The following CIDEB variants were observed in gnomAD, a reference collection of about 807,000 sequenced individuals.
CIDEB encodes the protein lipid transferase CIDEB.
CIDEB carries 27 observed loss-of-function variants against 22.4 expected under a neutral mutation model. The ratio of observed to expected loss-of-function variants is 1.21; its 90% CI spans 0.89 to 1.66. CIDEB has a LOEUF of 1.66. Among genes scored for constraint, CIDEB ranks in the 40% most tolerant of loss-of-function variants. The pLI, the probability that CIDEB is intolerant of heterozygous loss-of-function variation, is 0.00. For missense variants in CIDEB, 289 were observed against 268.7 expected (o/e 1.08, Z -0.53); for synonymous variants, 103 against 109.5 (o/e 0.94, Z 0.37).
upstream of CIDEB, chr14:24,310,736 A>C: frequency 6.2e-7 from 1 of 1,612,196 alleles, no homozygotes; most frequent in Non-Finnish European, 8.5e-7. Flanking sequence ...CCACAGGCAC[A>C]GCCTTCCTGC....
In CIDEB at chr14:24,307,469, AG is replaced by A. The variant is rs868123307; in HGVS notation, c.87del (p.Ser30GlnfsTer22). Reference protein sequence around the residue: ...ISSEFGRRVWTSAPPPQRPFR... With the variant: ...ISSEFGRRVWXSAPPPQRPFR... Reference sequence around the variant, plus strand: ...AAAGGTCGCTGGGGTGGTGGAGCTGAGGTCCAGACCCTCCGTCCAAACTCCG... The same window carrying A: ...AAAGGTCGCTGGGGTGGTGGAGCTGAGTCCAGACCCTCCGTCCAAACTCCG... On this transcript the variant is annotated frameshift_variant, in exon 2 of 5. Coordinates refer to ENST00000554411, the MANE Select transcript of CIDEB (RefSeq NM_001393339.1). LOFTEE classifies it high-confidence loss of function. 5.6e-6 allele frequency: 9 copies of A among 1,613,982 alleles called. No individual in the cohort carries two copies. The highest frequency in any genetic ancestry group is 7.6e-6 in the Non-Finnish European group (9 of 1,179,998).
chr14:24,310,401 G>C (rs944097203), upstream of CIDEB: 29 of 634,928 alleles, frequency 4.6e-5, no homozygotes, highest in African/African-American at 5.1e-4. Context: ...CTTTATGCCT[G>C]TTTACCACTG....
At chr14:24,307,282 A>C in intron 2 of CIDEB, 89 bp downstream of exon 2, 2 of 1,401,060 alleles carry the variant, frequency 1.4e-6, no homozygotes, top group Non-Finnish European at 2.0e-6. Flanking sequence ...GTGTGACTTC[A>C]GCCCTCTGCT....
chr14:24,308,095 T>C (rs2041576346), upstream of CIDEB: 2 of 575,268 alleles, frequency 3.5e-6, no homozygotes, highest in Non-Finnish European at 6.3e-6. Context: ...GCAAAAGCCA[T>C]TGGAGCTTGT....
chr14:24,307,441 C>T lies in CIDEB; in HGVS notation c.116G>A (p.Arg39His), dbSNP rs372963517. The T allele has an allele frequency of 4.0e-5, 65 of 1,613,946 alleles. No individual in the cohort carries two copies. The highest frequency in any genetic ancestry group is 4.6e-5 in the Non-Finnish European group (54 of 1,180,010). Residue 39 changes from arginine (R) to histidine (H), a missense_variant, in exon 2 of 5, where the codon CGT becomes CAT. Arg to His is a conservative substitution (Grantham distance 29). Transcript: ENST00000554411. Reference protein sequence around the residue: ...TSAPPPQRPFRVCDHKRTIRK... With the variant: ...TSAPPPQRPFHVCDHKRTIRK... ...GATGGTCCGCTTGTGATCACAGACA[C>T]GGAAAGGTCGCTGGGGTGGTGGAGC...
Position 24,307,397 on chromosome 14 carries a change from C to T in CIDEB, c.160G>A (p.Ala54Thr). 6.2e-7 allele frequency: 1 copy of T among 1,613,794 alleles called. No individual in the cohort carries two copies. The highest frequency in any genetic ancestry group is 8.5e-7 in the Non-Finnish European group (1 of 1,179,816). Residue 54 changes from alanine to threonine, a missense_variant, in exon 2 of 5, where the codon GCC (alanine) becomes ACC (threonine). Physicochemically the swap from Ala to Thr is moderately conservative, Grantham distance 58. Coordinates refer to ENST00000554411, the MANE Select transcript of CIDEB (RefSeq NM_001393339.1). ...KRTIRKGLTA[A>T]TRQELLAKAL... Reference sequence around the variant, plus strand: ...TTGGCTAGCAGCTCCTGGCGGGTGGCAGCTGTCAGGCCTTTCCGGATGGTC... The same window carrying T: ...TTGGCTAGCAGCTCCTGGCGGGTGGTAGCTGTCAGGCCTTTCCGGATGGTC...
At chr14:24,307,142 C>A in intron 2 of CIDEB, 1 of 419,618 alleles carries the variant, frequency 2.4e-6, no homozygotes, top group Non-Finnish European at 4.2e-6. Flanking sequence ...GAATTCTGTC[C>A]CTCGAACTCT....
Position 24,307,820 on chromosome 14 carries a change from G to C in CIDEB, c.39C>G (p.Leu13=), listed in dbSNP as rs776821155. The C allele has an allele frequency of 1.3e-6, 2 of 1,594,784 alleles. No individual in the cohort carries two copies. The highest frequency in any genetic ancestry group is 1.7e-6 in the Non-Finnish European group (2 of 1,170,316). ...TAGAGCGGAGGGTTAGCAGTCACCTGAGTAAGTCACTGGGGTTCAGAGCTG... is the reference window on the plus strand; with the variant it reads ...TAGAGCGGAGGGTTAGCAGTCACCTCAGTAAGTCACTGGGGTTCAGAGCTG... ...YLSALNPSDL[L]RSVSNISSEF... The change falls in exon 1 of 5, where the codon CTC becomes CTG. Residue 13 remains leucine, a splice_region_variant and synonymous_variant. Transcript: ENST00000554411.
upstream of CIDEB, chr14:24,310,753 C>T (rs996761807): frequency 1.9e-6 from 3 of 1,610,600 alleles, no homozygotes; most frequent in Non-Finnish European, 2.5e-6. Flanking sequence ...CTGCTGCTGG[C>T]GGCGCTGCTG....
upstream of CIDEB, chr14:24,310,895 CTT>C: frequency 1.3e-6 from 2 of 1,593,132 alleles, no homozygotes; most frequent in Non-Finnish European, 1.7e-6. Context: ...TCACGCCGCT[CTT>C]TGTGGCCTTC....
upstream of CIDEB, chr14:24,308,137 A>G (rs1425783594): frequency 3.9e-6 from 2 of 512,136 alleles, no homozygotes. Flanking sequence ...ATGTGTTGTG[A>G]GGGTAGATGG....
intron 4 of CIDEB, 80 bp from the exon 5 acceptor site, chr14:24,305,845 C>A: frequency 6.3e-7 from 1 of 1,589,394 alleles, no homozygotes; most frequent in Non-Finnish European, 8.6e-7. Context: ...TGAGGACTTT[C>A]CACAAGCAAG....
intron 2 of CIDEB, chr14:24,306,976 C>T (rs918525870): frequency 2.8e-5 from 7 of 249,248 alleles, no homozygotes; most frequent in Non-Finnish European, 1.6e-5. Context: ...CTTTCAACAA[C>T]CCTAGGAGGT....
rs1434980915 is a variant in CIDEB at position 24,306,357 on chromosome 14, C to G, written c.336+17G>C. On this transcript the variant is annotated intron_variant, in intron 3 of 4. Transcript: ENST00000554411. ...AAAGGACAGGCATTGGAAGCAGCCC[C>G]AGTATAGGCCTCTTACCCTTGTAGG... 1 of 1,614,106 alleles carries G rather than the reference C, an allele frequency of 6.2e-7. No individual in the cohort carries two copies. Among genetic ancestry groups the G allele is most frequent in the South Asian group, 1.1e-5 (1 of 91,082 alleles).
upstream of CIDEB, chr14:24,310,820 G>A: frequency 6.3e-7 from 1 of 1,594,566 alleles, no homozygotes; most frequent in Non-Finnish European, 8.5e-7. Flanking sequence ...GGCCTGCACG[G>A]GGGCGACCGC....
Position 24,305,515 on chromosome 14 carries a change from TG to T in CIDEB, c.*117del. The T allele has an allele frequency of 8.0e-7, 1 of 1,255,884 alleles. No individual in the cohort carries two copies. The highest frequency in any genetic ancestry group is 2.3e-5 in the East Asian group (1 of 42,596). The allele number at this position is 1,255,884 out of a possible 1,614,324, so 77.8% of individuals were successfully genotyped here. A position where few individuals can be genotyped will look rare whatever the true frequency, so the allele number is the denominator to read the frequency against. On this transcript the variant is annotated 3_prime_UTR_variant, in exon 5 of 5. Coordinates refer to ENST00000554411, the MANE Select transcript of CIDEB (RefSeq NM_001393339.1). ...CTGTCACGAGGGGATCAGAGGACAG[TG>T]GGGAAATTGGGTGGGTTATCTAGCC...
Position 24,306,043 on chromosome 14 carries a change from CGAG to C in CIDEB, c.428_430del (p.Pro143del), listed in dbSNP as rs760028727. 8.1e-6 allele frequency: 13 copies of C among 1,614,028 alleles called. No homozygotes were observed. The Admixed American group carries it at 2.2e-4, about 27-fold the overall frequency. On this transcript the variant is annotated inframe_deletion, in exon 4 of 5. Transcript: ENST00000554411. ...GACATTCAGGCTGCCAAAGAGGTCT[CGAG>C]GGTTTTGCTTGTACACGTCAAAGGT...
At chr14:24,311,268 A>C, upstream of CIDEB, 1 of 1,601,384 alleles carries the variant, frequency 6.2e-7, no homozygotes, top group South Asian at 1.1e-5. Context: ...CGGCTGCTAC[A>C]GCGTGACGCT....
intron 1 of CIDEB, 76 bp from the exon 2 acceptor site, chr14:24,307,591 TGGCTAGAG>T: frequency 1.3e-6 from 2 of 1,510,022 alleles, no homozygotes; most frequent in Non-Finnish European, 1.8e-6. Context: ...GAGGGTAGAG[TGGCTAGAG>T]GGCTAGGGAG....
Sources: allele counts gnomAD v4.1 joint callset, GRCh38; gene constraint gnomAD v4.1.1; transcripts MANE v1.5; gene names NCBI Gene and HGNC (gene_info 2026-07-23, HGNC 2026-07-21).